The following ACOT11 variants were observed in gnomAD, a reference collection of about 807,000 sequenced individuals.
ACOT11 encodes acyl-coenzyme A thioesterase 11.
A neutral mutation model predicts 77.5 loss-of-function variants in ACOT11; 69 were observed. The observed-to-expected ratio is 0.89, with a 90% CI of 0.73 to 1.09. The LOEUF is 1.09. Ranked by LOEUF, ACOT11 falls within the 50% of genes least tolerant of loss-of-function variation. The pLI is 0.00. For missense variants in ACOT11, 766 were observed against 813.7 expected (o/e 0.94, Z 0.71); for synonymous variants, 279 against 313.0 (o/e 0.89, Z 1.15).
Position 54,609,868 on chromosome 1 carries a change from A to G in ACOT11, c.*756A>G, listed in dbSNP as rs774025230. ...GCGTCAGGATGTTGCCACTTGGAGT[A>G]TGAACAATGGGCACGGGGTTTTCAG... On this transcript the variant is annotated 3_prime_UTR_variant, in exon 16 of 16. Coordinates refer to ENST00000343744, the MANE Select transcript of ACOT11 (RefSeq NM_147161.4). 1.1e-5 allele frequency: 17 copies of G among 1,613,828 alleles called. No homozygotes were observed. Among genetic ancestry groups the G allele is most frequent in the Non-Finnish European group, 1.4e-5 (16 of 1,180,048 alleles).
downstream of ACOT11, chr1:54,612,582 A>G (rs749179547): frequency 1.7e-5 from 28 of 1,613,948 alleles, no homozygotes; most frequent in Admixed American, 4.7e-4. Flanking sequence ...CACTCCTCCC[A>G]CCAGCTCGTG....
At chr1:54,625,376 G>A (rs1013315563) in intron 15 of ACOT11, among the ~76,000 whole-genome samples, 1 of 152,146 alleles carries the variant, frequency 6.6e-6, no homozygotes, top group Non-Finnish European at 1.5e-5. Context: ...CTGTAGACAA[G>A]CAGGAACATT....
chr1:54,562,264 G>A (rs1231578315), intron 1 of ACOT11, among the ~76,000 whole-genome samples: 1 of 121,152 alleles, frequency 8.3e-6, no homozygotes, highest in Non-Finnish European at 1.7e-5. Flanking sequence ...GGCCAGGCGG[G>A]GGGCTGACCC....
intron 15 of ACOT11, chr1:54,615,944 A>C: frequency 6.7e-7 from 1 of 1,493,798 alleles, no homozygotes; most frequent in Non-Finnish European, 9.2e-7. Context: ...CTTGCTTCCC[A>C]GTGAGGGATC....
chr1:54,589,261 C>G (rs917095153), intron 3 of ACOT11, among the ~76,000 whole-genome samples: 1 of 149,722 alleles, frequency 6.7e-6, no homozygotes, highest in Non-Finnish European at 1.5e-5. Flanking sequence ...AGGTGATCTG[C>G]TTACCTTGGC....
intron 1 of ACOT11, among the ~76,000 whole-genome samples, chr1:54,551,945 G>A (rs1038512403): frequency 5.9e-5 from 9 of 151,946 alleles, no homozygotes; most frequent in African/African-American, 1.2e-4. Context: ...ACCACACAAT[G>A]CAATCCTACT....
intron 15 of ACOT11, among the ~76,000 whole-genome samples, chr1:54,625,916 G>A (rs1644269355): frequency 7.1e-6 from 1 of 140,752 alleles, no homozygotes; most frequent in Non-Finnish European, 1.5e-5. Flanking sequence ...TCCAGCCTGG[G>A]CAACAAGAGT....
chr1:54,615,280 C>T (rs1644160927), downstream of ACOT11, among the ~76,000 whole-genome samples: 1 of 152,072 alleles, frequency 6.6e-6, no homozygotes, highest in South Asian at 2.1e-4. Flanking sequence ...GAGATCTCTG[C>T]AGAGAAAGGA....
rs17399297 is a variant in ACOT11, at chr1:54,619,975, C to T, written c.1630-10759C>T. On this transcript the variant is annotated intron_variant, in intron 15 of 16. Coordinates refer to the ACOT11 transcript ENST00000371316. ...AGGCTCAGCAGGTAGTCCAGCATGTCGGCATCAGGGCTGCAGGCCTCCAGC... is the reference window on the plus strand; with the variant it reads ...AGGCTCAGCAGGTAGTCCAGCATGTTGGCATCAGGGCTGCAGGCCTCCAGC... 12,364 of 1,614,086 alleles carry T rather than the reference C, an allele frequency of 7.7e-3. 59 individuals carry two copies. Among genetic ancestry groups the T allele is most frequent in the Non-Finnish European group, 9.3e-3 (10,929 of 1,179,982 alleles).
intron 1 of ACOT11, among the ~76,000 whole-genome samples, chr1:54,568,311 C>G (rs1653806721): frequency 6.7e-6 from 1 of 149,856 alleles, no homozygotes; most frequent in Admixed American, 6.7e-5. Context: ...TGTTTATTGT[C>G]TGTTCATGTG....
At chr1:54,601,956 C>A (rs1241387185) in intron 9 of ACOT11, among the ~76,000 whole-genome samples, 1 of 152,264 alleles carries the variant, frequency 6.6e-6, no homozygotes, top group African/African-American at 2.4e-5. Context: ...CTCCCTGTGC[C>A]TCCTGTGGGC....
rs541649434 is a variant in ACOT11, at chr1:54,609,894, C to T, written c.*782C>T. ...TGAACAATGGGCACGGGGTTTTCAG[C>T]CACAGTTCCCTCGAGGCCAGTGTTC... On this transcript the variant is annotated 3_prime_UTR_variant, in exon 16 of 16. Transcript: ENST00000343744. 7 of 1,612,102 alleles carry T rather than the reference C, an allele frequency of 4.3e-6. No individual in the cohort carries two copies. The highest frequency in any genetic ancestry group is 2.2e-5 in the South Asian group (2 of 91,080).
At chr1:54,570,536 A>G (rs1289627386) in intron 1 of ACOT11, among the ~76,000 whole-genome samples, 2 of 152,120 alleles carry the variant, frequency 1.3e-5, no homozygotes, top group Non-Finnish European at 2.9e-5. Flanking sequence ...ATTTTTTGAG[A>G]CAGAGTCTCG....
At chr1:54,564,815 G>GTT (rs1653680077) in intron 1 of ACOT11, among the ~76,000 whole-genome samples, 1 of 152,166 alleles carries the variant, frequency 6.6e-6, no homozygotes, top group Non-Finnish European at 1.5e-5. Context: ...TGGGGCGGTG[G>GTT]GGGGTGATAA....
chr1:54,620,220 A>G (rs1328480747), intron 15 of ACOT11, among the ~76,000 whole-genome samples: 1 of 152,206 alleles, frequency 6.6e-6, no homozygotes, highest in Non-Finnish European at 1.5e-5. Flanking sequence ...TGAGGCAGTC[A>G]GGAAAGGGGG....
chr1:54,609,696 C>A lies in ACOT11; in HGVS notation c.*584C>A. ...AAACTCCCGTGGGAGATTTTGGCCC[C>A]AACCCACACAGGCCAATGCAAGAGG... On this transcript the variant is annotated 3_prime_UTR_variant, in exon 16 of 16. Coordinates refer to ENST00000343744, the MANE Select transcript of ACOT11 (RefSeq NM_147161.4). The A allele has an allele frequency of 6.2e-7, 1 of 1,614,074 alleles. No individual in the cohort carries two copies. Among genetic ancestry groups the A allele is most frequent in the Non-Finnish European group, 8.5e-7 (1 of 1,180,026 alleles).
At chr1:54,606,594 C>T (rs1171709358) in intron 13 of ACOT11, among the ~76,000 whole-genome samples, 2 of 152,158 alleles carry the variant, frequency 1.3e-5, no homozygotes, top group South Asian at 4.1e-4. Context: ...GCTCTGTGGC[C>T]GTGGGCAGGT....
downstream of ACOT11, chr1:54,611,728 C>T (rs114132415): frequency 7.3e-4 from 1,172 of 1,614,096 alleles, 7 homozygotes; most frequent in African/African-American, 0.013. Context: ...GGCAGCCTGC[C>T]ACAGCGTCAG....
intron 15 of ACOT11, among the ~76,000 whole-genome samples, chr1:54,630,422 C>T (rs766572470): frequency 5.9e-5 from 9 of 152,164 alleles, no homozygotes; most frequent in Admixed American, 6.5e-5. Flanking sequence ...ACGGGAATGA[C>T]GGCAAGGAAC....
Sources: gnomAD v4.1 joint callset for allele counts (sites outside exome capture counted in the v4.1 genomes callset) on GRCh38, gnomAD v4.1.1 for gene constraint, MANE v1.5 for transcripts, NCBI Gene and HGNC (gene_info 2026-07-23, HGNC 2026-07-21) for gene names.